Variants in CHST9 observed in about 807,000 individuals in gnomAD.
The protein encoded by CHST9 is GalNAc-4-sulfotransferase 2.
In CHST9, 41 loss-of-function variants were observed where a neutral mutation model predicts 44.4. The observed-to-expected ratio is 0.92, with a 90% confidence interval of 0.72 to 1.20. CHST9 has a LOEUF of 1.20. Ranked by LOEUF, CHST9 falls within the 50% of genes most tolerant of loss-of-function variation. CHST9 has a pLI of 0.00. For missense variants in CHST9, 504 were observed against 516.5 expected (o/e 0.98, Z 0.23); for synonymous variants, 171 against 178.4 (o/e 0.96, Z 0.33).
chr18:27,048,984 G>T (rs192347570), intron 2 of CHST9, among the ~76,000 whole-genome samples: 2 of 152,232 alleles, frequency 1.3e-5, no homozygotes, highest in East Asian at 3.9e-4. Context: ...GGAGAAAGTG[G>T]TATTTGATTT....
At position 26,978,588 on chromosome 18, in the gene CHST9, T is replaced by G. The variant is rs1354564852; in HGVS notation, c.203-34222A>C. Among the ~76,000 whole-genome samples the G allele has an allele frequency of 4.6e-5, 7 of 152,308 alleles. No individual in the cohort carries two copies. In the East Asian group the frequency reaches 1.3e-3, roughly 29 times the overall value. On this transcript the variant is annotated intron_variant, in intron 4 of 5. Coordinates refer to ENST00000618847, the MANE Select transcript of CHST9 (RefSeq NM_031422.6). The stretch of plus-strand genomic sequence containing the variant: ...ACAGAAGTGTCTATCATGTGAGTTT[T>G]GTGATGCAGAGGGATAAACACATGT...
rs35884558 is a variant in CHST9, at chr18:26,978,137, A to AT, written c.203-33772dup. On this transcript the variant is annotated intron_variant, in intron 4 of 5. Transcript: ENST00000618847. ...AAATTTTGTTCAAAGTGGAAAATAG[A>AT]TTTTTTTTTGCAATAAAACAGAAAT... Among the ~76,000 whole-genome samples the AT allele has an allele frequency of 1.8e-4, 27 of 149,840 alleles. 1 individual carries two copies. Among genetic ancestry groups the AT allele is most frequent in the Admixed American group, 4.0e-4 (6 of 15,102 alleles).
At chr18:27,166,520 C>A (rs1260996796) in intron 1 of CHST9, among the ~76,000 whole-genome samples, 1 of 152,154 alleles carries the variant, frequency 6.6e-6, no homozygotes, top group East Asian at 1.9e-4. Flanking sequence ...TGAAGTGATG[C>A]TCACAGAATC....
intron 1 of CHST9, among the ~76,000 whole-genome samples, chr18:27,168,576 T>C (rs984660072): frequency 1.1e-4 from 17 of 152,174 alleles, no homozygotes; most frequent in Non-Finnish European, 8.8e-5. Flanking sequence ...AGGGAAATTT[T>C]TGAAGGAGCA....
At chr18:27,010,889 G>A (rs1248179383) in intron 4 of CHST9, among the ~76,000 whole-genome samples, 1 of 151,866 alleles carries the variant, frequency 6.6e-6, no homozygotes, top group African/African-American at 2.4e-5. Context: ...AAGGGCAGAT[G>A]GGTGGGGAAA....
chr18:27,122,176 C>T (rs1002192147), intron 2 of CHST9, among the ~76,000 whole-genome samples: 1 of 152,194 alleles, frequency 6.6e-6, no homozygotes, highest in African/African-American at 2.4e-5. Flanking sequence ...GAATGAATTA[C>T]AGACATTTCT....
chr18:27,031,704 G>T (rs9949926), intron 3 of CHST9, among the ~76,000 whole-genome samples: 196 of 152,268 alleles, frequency 1.3e-3, no homozygotes, highest in African/African-American at 4.4e-3. Context: ...GTGTAACTCA[G>T]AATTCTCTAC....
chr18:26,931,587 C>A (rs188444469), intron 5 of CHST9, among the ~76,000 whole-genome samples: 2 of 152,326 alleles, frequency 1.3e-5, no homozygotes, highest in East Asian at 1.9e-4. Context: ...GTCCCTGGAG[C>A]CTGCTTCCTC....
chr18:27,065,927 G>C (rs2057777606), intron 2 of CHST9, among the ~76,000 whole-genome samples: 2 of 152,190 alleles, frequency 1.3e-5, no homozygotes, highest in African/African-American at 2.4e-5. Context: ...ATACATCAGA[G>C]AGTGTCTTGT....
chr18:26,928,485 T>C (rs1243591734), intron 5 of CHST9: 1 of 150,976 alleles, frequency 6.6e-6, no homozygotes, highest in African/African-American at 2.4e-5. Context: ...CACCTATTAA[T>C]TGGGTGATTT....
intron 2 of CHST9, among the ~76,000 whole-genome samples, chr18:27,054,360 T>C (rs1325565680): frequency 6.6e-6 from 1 of 152,162 alleles, no homozygotes; most frequent in African/African-American, 2.4e-5. Context: ...AACAAAACAT[T>C]AAAATATGGT....
In CHST9 at chr18:26,944,332, GT is replaced by G; in HGVS notation, c.236del (p.Asn79ThrfsTer30). On this transcript the variant is annotated frameshift_variant, in exon 5 of 6. Transcript: ENST00000618847. LOFTEE classifies it high-confidence loss of function. ...TTTACGAGAAATGAGAGAATACCTG[GT>G]TGGTGATATGTTCCTGGATTTTTTC... ...STEKIQEHIT[N>X]QNPKFHMPED... 16 of 1,607,634 alleles carry G rather than the reference GT, an allele frequency of 1.0e-5. No individual in the cohort carries two copies. Among genetic ancestry groups the G allele is most frequent in the Non-Finnish European group, 1.2e-5 (14 of 1,174,674 alleles).
chr18:27,053,078 TA>T (rs2057588065), intron 2 of CHST9, among the ~76,000 whole-genome samples: 2 of 130,984 alleles, frequency 1.5e-5, no homozygotes, highest in Admixed American at 1.7e-4. Context: ...TCCCAGAACT[TA>T]AAGTAAAGAA....
At chr18:27,077,630 T>C (rs891276252) in intron 2 of CHST9, among the ~76,000 whole-genome samples, 1 of 152,228 alleles carries the variant, frequency 6.6e-6, no homozygotes, top group African/African-American at 2.4e-5. Context: ...TGTGGGGGAA[T>C]GATGAAGTGA....
intron 2 of CHST9, among the ~76,000 whole-genome samples, chr18:27,062,717 A>G (rs557957950): frequency 6.6e-6 from 1 of 152,110 alleles, no homozygotes; most frequent in Non-Finnish European, 1.5e-5. Flanking sequence ...CTAGTTCTAG[A>G]TCCTTGAGGA....
intron 2 of CHST9, among the ~76,000 whole-genome samples, chr18:27,063,576 C>A (rs1476875922): frequency 6.6e-6 from 1 of 152,134 alleles, no homozygotes; most frequent in Non-Finnish European, 1.5e-5. Flanking sequence ...AGGATACAGA[C>A]AATCCACTGT....
chr18:27,007,245 G>A (rs1055677762), intron 4 of CHST9, among the ~76,000 whole-genome samples: 10 of 152,202 alleles, frequency 6.6e-5, no homozygotes, highest in African/African-American at 2.2e-4. Context: ...GAGAGATGGT[G>A]GCTGAGAGAG....
chr18:27,095,867 G>C (rs1400766520), intron 2 of CHST9, among the ~76,000 whole-genome samples: 1 of 152,080 alleles, frequency 6.6e-6, no homozygotes, highest in African/African-American at 2.4e-5. Flanking sequence ...AACAGCATTA[G>C]ACAGGCTATT....
At chr18:27,118,649 T>C (rs1323381521) in intron 2 of CHST9, among the ~76,000 whole-genome samples, 1 of 152,256 alleles carries the variant, frequency 6.6e-6, no homozygotes, top group African/African-American at 2.4e-5. Context: ...AAGGTCTGCA[T>C]TTGGCTCTGG....
Sources: gnomAD v4.1 joint callset for allele counts (sites outside exome capture counted in the v4.1 genomes callset) on GRCh38, gnomAD v4.1.1 for gene constraint, MANE v1.5 for transcripts, NCBI Gene and HGNC (gene_info 2026-07-23, HGNC 2026-07-21) for gene names.